MASP1: variants seen among roughly 807,000 people sequenced by gnomAD.
MASP1 encodes the protein MBL associated serine protease 1.
MASP1 carries 59 observed loss-of-function variants against 77.1 expected under a neutral mutation model. The ratio of observed to expected loss-of-function variants is 0.77; its 90% CI spans 0.62 to 0.95. The LOEUF is 0.95. MASP1 is among the 40% of genes least tolerant of loss of function. The pLI is 0.00. For missense variants in MASP1, 885 were observed against 912.9 expected (o/e 0.97, Z 0.39); for synonymous variants, 362 against 354.5 (o/e 1.02, Z -0.24).
intron 8 of MASP1, among the ~76,000 whole-genome samples, chr3:187,246,056 C>T (rs1375210136): frequency 6.6e-6 from 1 of 152,188 alleles, no homozygotes; most frequent in African/African-American, 2.4e-5. Flanking sequence ...CTTCAGTGTG[C>T]TCCCCTGCTG....
In MASP1 at chr3:187,283,807, C is replaced by A. The variant is rs1388788502; in HGVS notation, c.237+2018G>T. On this transcript the variant is annotated intron_variant, in intron 2 of 10. Transcript: ENST00000296280. ...TCTTCCGGTTAAGACAACTCTCCAA[C>A]CAAAATACTAAAGAATGCCATGATT... Among the ~76,000 whole-genome samples the A allele has an allele frequency of 4.5e-4, 68 of 152,170 alleles. 1 individual carries two copies. Among genetic ancestry groups the A allele is most frequent in the Admixed American group, 4.5e-3 (68 of 15,280 alleles).
At chr3:187,279,450 T>G (rs1398228741) in intron 2 of MASP1, among the ~76,000 whole-genome samples, 1 of 88,380 alleles carries the variant, frequency 1.1e-5, no homozygotes, top group African/African-American at 5.6e-5. Context: ...TATGTTGTCA[T>G]AATTCTTTCT....
At chr3:187,249,939 G>A (rs139076303) in intron 8 of MASP1, among the ~76,000 whole-genome samples, 1 of 152,236 alleles carries the variant, frequency 6.6e-6, no homozygotes, top group Non-Finnish European at 1.5e-5. Flanking sequence ...ATTAGCAATT[G>A]CCAAAGCTGG....
chr3:187,277,472 A>T (rs961459454), intron 2 of MASP1, among the ~76,000 whole-genome samples: 2 of 152,234 alleles, frequency 1.3e-5, no homozygotes, highest in South Asian at 4.1e-4. Flanking sequence ...AACGTTATTT[A>T]AAATAATCTA....
chr3:187,239,813 A>G (rs1713480185), intron 10 of MASP1, among the ~76,000 whole-genome samples: 1 of 152,060 alleles, frequency 6.6e-6, no homozygotes, highest in Admixed American at 6.5e-5. Context: ...TCTTATGTGA[A>G]CCCTTCCTAG....
chr3:187,238,204 C>G (rs1713331181), intron 10 of MASP1, among the ~76,000 whole-genome samples: 1 of 152,212 alleles, frequency 6.6e-6, no homozygotes, highest in Admixed American at 6.5e-5. Flanking sequence ...CTTTCTCCAA[C>G]CAAGGTGCCA....
At chr3:187,278,830 C>T (rs1717178588) in intron 2 of MASP1, among the ~76,000 whole-genome samples, 1 of 152,132 alleles carries the variant, frequency 6.6e-6, no homozygotes, top group Non-Finnish European at 1.5e-5. Context: ...TAGTCATATC[C>T]AATCTATTTA....
chr3:187,263,158 G>T (rs1048818748), intron 2 of MASP1: 5 of 238,992 alleles, frequency 2.1e-5, no homozygotes, highest in African/African-American at 4.6e-5. Flanking sequence ...TGAGATGGAG[G>T]TGATGAGAGA....
At chr3:187,239,550 C>T (rs758572956) in intron 10 of MASP1, among the ~76,000 whole-genome samples, 3 of 152,192 alleles carry the variant, frequency 2.0e-5, no homozygotes, top group Non-Finnish European at 2.9e-5. Flanking sequence ...GGCTTTCTAG[C>T]ATGGAATCTA....
chr3:187,229,926 G>C (rs1712669001), downstream of MASP1: 1 of 1,613,384 alleles, frequency 6.2e-7, no homozygotes, highest in African/African-American at 1.3e-5. Context: ...GGGAGAGACA[G>C]ATCAGACTCT....
At chr3:187,289,455 G>A (rs939540380) in intron 1 of MASP1, among the ~76,000 whole-genome samples, 3 of 152,082 alleles carry the variant, frequency 2.0e-5, no homozygotes, top group African/African-American at 7.2e-5. Flanking sequence ...CAGAAGAAGG[G>A]AATAAAAAGA....
At chr3:187,225,401 A>G (rs1712360087) in exon 13 of MASP1, 1 of 1,614,148 alleles carries the variant, frequency 6.2e-7, no homozygotes, top group Admixed American at 1.7e-5. Context: ...CAGCTCCACC[A>G]GAGCCACGTC....
chr3:187,220,496 C>CT lies in MASP1; in HGVS notation c.1910-236dup, dbSNP rs376566294. ...TTTCTTTTCTTTTTCTTTTTTCTTT[C>CT]TTTTTTTTTTTTTTTTTGAGATGGA... is the stretch of plus-strand genomic sequence containing the variant. On this transcript the variant is annotated intron_variant, in intron 15 of 15. Coordinates refer to the MASP1 transcript ENST00000337774. 0.22 allele frequency among the ~76,000 whole-genome samples: 28,106 copies of CT among 127,660 alleles called. 4,408 individuals carry two copies. Among genetic ancestry groups the CT allele is most frequent in the East Asian group, 0.41 (1,743 of 4,260 alleles). 83.7% of individuals were successfully genotyped at this position (127,660 alleles called of 152,430 possible).
chr3:187,273,001 G>A (rs1050147614), intron 2 of MASP1, among the ~76,000 whole-genome samples: 1 of 152,120 alleles, frequency 6.6e-6, no homozygotes, highest in African/African-American at 2.4e-5. Flanking sequence ...TCAGAAAAGT[G>A]CCCGGGATAC....
intron 8 of MASP1, chr3:187,244,586 C>A (rs923029526): frequency 2.0e-5 from 3 of 152,196 alleles, no homozygotes; most frequent in Non-Finnish European, 2.9e-5. Flanking sequence ...TCTAGAATGT[C>A]CTCTTTATTT....
intron 4 of MASP1, 43 bp downstream of exon 4, chr3:187,260,696 ATG>A: frequency 6.2e-7 from 1 of 1,613,640 alleles, no homozygotes; most frequent in East Asian, 2.2e-5. Flanking sequence ...GTTATTGAGG[ATG>A]TGGCCTATAA....
rs745796040 is a variant in MASP1, at chr3:187,253,326, TGAGA to T, written c.745-15_745-12del. 10 of 1,604,860 alleles carry T rather than the reference TGAGA, an allele frequency of 6.2e-6. No homozygotes were observed. Among genetic ancestry groups the T allele is most frequent in the East Asian group, 4.5e-5 (2 of 44,602 alleles). ...TGGACCAACTTTGATCTGCAAAATA[TGAGA>T]GAGAGAGAGAGAAATAGAGTGTTCC... On this transcript the variant is annotated splice_polypyrimidine_tract_variant and intron_variant, in intron 5 of 10. Transcript: ENST00000296280.
At chr3:187,279,912 T>C (rs532203028) in intron 2 of MASP1, among the ~76,000 whole-genome samples, 26 of 152,346 alleles carry the variant, frequency 1.7e-4, no homozygotes, top group African/African-American at 6.0e-4. Flanking sequence ...TTATATTCTA[T>C]GGAACCGTGA....
chr3:187,260,612 G>T, intron 4 of MASP1, 129 bp downstream of exon 4: 1 of 1,283,340 alleles, frequency 7.8e-7, no homozygotes, highest in Non-Finnish European at 1.1e-6. Flanking sequence ...TCCATGTGGT[G>T]TCTGAGGTGC....
Sources: gnomAD v4.1 joint callset for allele counts (sites outside exome capture counted in the v4.1 genomes callset) on GRCh38, gnomAD v4.1.1 for gene constraint, MANE v1.5 for transcripts, NCBI Gene and HGNC (gene_info 2026-07-23, HGNC 2026-07-21) for gene names.